Variants in CACNA2D4 observed in about 807,000 individuals in gnomAD.
CACNA2D4 encodes the protein voltage-dependent calcium channel subunit alpha-2/delta-4.
CACNA2D4 carries 157 observed loss-of-function variants against 163.8 expected under a neutral mutation model. The observed-to-expected ratio is 0.96, with a 90% CI of 0.84 to 1.09. CACNA2D4 has a LOEUF of 1.09. Ranked by LOEUF, CACNA2D4 falls within the 50% of genes least tolerant of loss-of-function variation. CACNA2D4 has a pLI of 0.00. For synonymous variants in CACNA2D4, 598 were observed against 586.9 expected, an observed-to-expected ratio of 1.02 and a Z score of -0.27; for missense variants, 1,410 against 1,479.9, an observed-to-expected ratio of 0.95 and a Z score of 0.78.
chr12:1,849,565 C>A (rs1174247889), intron 23 of CACNA2D4, among the ~76,000 whole-genome samples: 1 of 152,142 alleles, frequency 6.6e-6, no homozygotes, highest in African/African-American at 2.4e-5. Flanking sequence ...CTACAGGTTA[C>A]TTTTTAAAAT....
Position 1,834,324 on chromosome 12 carries a change from T to C in CACNA2D4, c.2551+6415A>G, listed in dbSNP as rs1220639322. 6.2e-7 allele frequency: 1 copy of C among 1,611,078 alleles called. No individual in the cohort carries two copies. Among genetic ancestry groups the C allele is most frequent in the Non-Finnish European group, 8.5e-7 (1 of 1,178,742 alleles). On this transcript the variant is annotated intron_variant, in intron 26 of 37. Coordinates refer to ENST00000382722, the MANE Select transcript of CACNA2D4 (RefSeq NM_172364.5). This position sits in a 1 kb window ranked among gnomAD's most constrained non-coding sequence, Gnocchi z 7.6. ...CCCAAGGAGCTGAGGGGGAAGGACA[T>C]GCGGATGGTCCCCATGGAGATGTTC...
chr12:1,807,486 A>G (rs1476783258), intron 29 of CACNA2D4, among the ~76,000 whole-genome samples: 2 of 151,856 alleles, frequency 1.3e-5, no homozygotes, highest in African/African-American at 2.4e-5. Flanking sequence ...TAACTGCTCT[A>G]GAGTTGTTAA....
intron 18 of CACNA2D4, among the ~76,000 whole-genome samples, chr12:1,862,154 G>A (rs760834823): frequency 6.6e-6 from 1 of 152,142 alleles, no homozygotes; most frequent in Non-Finnish European, 1.5e-5. Context: ...TATTTCAGTT[G>A]TTCCTCCTTT....
At chr12:1,848,935 T>C (rs1424205976) in intron 23 of CACNA2D4, among the ~76,000 whole-genome samples, 1 of 152,204 alleles carries the variant, frequency 6.6e-6, no homozygotes, top group Non-Finnish European at 1.5e-5. Context: ...CTTTTGCTGC[T>C]CTGATCATCC....
chr12:1,886,893 C>A (rs917982615), intron 7 of CACNA2D4, 116 bp downstream of exon 7: 7 of 694,318 alleles, frequency 1.0e-5, no homozygotes, highest in African/African-American at 1.8e-5. Context: ...GTTCTACACA[C>A]CCAAGGCCCT....
Position 1,883,815 on chromosome 12 carries a change from C to T in CACNA2D4, c.1351+428G>A, listed in dbSNP as rs997664042. 6.6e-5 allele frequency among the ~76,000 whole-genome samples: 10 copies of T among 152,132 alleles called. No homozygotes were observed. Among genetic ancestry groups the T allele is most frequent in the East Asian group, 3.8e-4 (2 of 5,204 alleles). On this transcript the variant is annotated intron_variant, in intron 12 of 37. Transcript: ENST00000382722. The surrounding 1 kb of genome is among the most constrained non-coding windows in gnomAD (Gnocchi z 4.5). The stretch of plus-strand genomic sequence containing the variant: ...TGCTGGACAATACTGAGAGGTAGAC[C>T]GACCCTGAGTCCATCCTGATCCCTC...
intron 26 of CACNA2D4, among the ~76,000 whole-genome samples, chr12:1,826,204 T>C (rs1471092527): frequency 6.6e-6 from 1 of 152,142 alleles, no homozygotes; most frequent in Non-Finnish European, 1.5e-5. Context: ...AAGTCCGAGC[T>C]AGGAGCAGGA....
At chr12:1,896,521 T>G (rs1329048083) in intron 6 of CACNA2D4, among the ~76,000 whole-genome samples, 1 of 151,260 alleles carries the variant, frequency 6.6e-6, no homozygotes. Flanking sequence ...TATGAAAAAA[T>G]GCTCAATATC....
In CACNA2D4 at chr12:1,795,393, A is replaced by T; in HGVS notation, c.3227-12T>A. Reference sequence around the variant, plus strand: ...GACAGAGGCATTATGTGCAGAAGCCACTGTTAAGGTCAATATCTCAGGACC... The same window carrying T: ...GACAGAGGCATTATGTGCAGAAGCCTCTGTTAAGGTCAATATCTCAGGACC... On this transcript the variant is annotated splice_polypyrimidine_tract_variant and intron_variant, in intron 36 of 37. Coordinates refer to ENST00000382722, the MANE Select transcript of CACNA2D4 (RefSeq NM_172364.5). 6.2e-7 allele frequency: 1 copy of T among 1,607,804 alleles called. No individual in the cohort carries two copies. The highest frequency in any genetic ancestry group is 8.5e-7 in the Non-Finnish European group (1 of 1,178,816).
intron 26 of CACNA2D4, among the ~76,000 whole-genome samples, chr12:1,817,162 G>T (rs141616363): frequency 6.6e-6 from 1 of 152,202 alleles, no homozygotes; most frequent in Non-Finnish European, 1.5e-5. Context: ...GGTGCACAGC[G>T]AATACTTAGG....
rs558417956 is a variant in CACNA2D4, at chr12:1,799,471, C to T, written c.2995+204G>A. 9.2e-5 allele frequency among the ~76,000 whole-genome samples: 14 copies of T among 152,328 alleles called. No homozygotes were observed. The highest frequency in any genetic ancestry group is 2.6e-4 in the Admixed American group (4 of 15,302). ...GGGAGGCTGGAGTTTCTCATTTTCC[C>T]TGGGGCCTGACCGTCCTCATGTGGG... On this transcript the variant is annotated intron_variant, in intron 34 of 37. Transcript: ENST00000382722. The surrounding 1 kb of genome is among the most constrained non-coding windows in gnomAD (Gnocchi z 4.7).
At chr12:1,854,241 A>G (rs1426205306) in intron 22 of CACNA2D4, among the ~76,000 whole-genome samples, 197 bp from the exon 23 acceptor site, 1 of 152,192 alleles carries the variant, frequency 6.6e-6, no homozygotes, top group Non-Finnish European at 1.5e-5. Context: ...ATATGTCAGT[A>G]CAACAGCTTG....
intron 6 of CACNA2D4, among the ~76,000 whole-genome samples, chr12:1,893,523 A>AT (rs1866335626): frequency 1.3e-5 from 2 of 152,232 alleles, no homozygotes; most frequent in East Asian, 3.9e-4. Flanking sequence ...ATCTCAAAAA[A>AT]ATATATAATA....
Position 1,878,875 on chromosome 12 carries a change from T to A in CACNA2D4, c.1644+81A>T. 1.5e-6 allele frequency: 2 copies of A among 1,354,082 alleles called. No homozygotes were observed. The highest frequency in any genetic ancestry group is 2.1e-6 in the Non-Finnish European group (2 of 970,404). 83.9% of individuals were successfully genotyped at this position (1,354,082 alleles called of 1,614,324 possible). Reference sequence around the variant, plus strand: ...ACCCCAGCTCTGGGCTTGGCTTGCCTGGAGAGAGGCTCCCATCACGGGGGA... The same window carrying A: ...ACCCCAGCTCTGGGCTTGGCTTGCCAGGAGAGAGGCTCCCATCACGGGGGA... On this transcript the variant is annotated intron_variant, in intron 15 of 37. Coordinates refer to ENST00000382722, the MANE Select transcript of CACNA2D4 (RefSeq NM_172364.5). The surrounding 1 kb of genome is among the most constrained non-coding windows in gnomAD (Gnocchi z 4.6).
rs1555186435 is a variant in CACNA2D4 at position 1,896,640 on chromosome 12, C to CACACAA, written c.782-9572_782-9571insTTGTGT. On this transcript the variant is annotated intron_variant, in intron 6 of 37. Transcript: ENST00000382722. ...ACACACACACACACACACACACACACACACACACACACACAAAACAGATGC... is the reference window on the plus strand; with the variant it reads ...ACACACACACACACACACACACACACACACAAACACACACACACACAAAACAGATGC... 4.4e-5 allele frequency among the ~76,000 whole-genome samples: 5 copies of CACACAA among 113,014 alleles called. 1 individual carries two copies. The highest frequency in any genetic ancestry group is 2.0e-4 in the African/African-American group (5 of 24,438). The allele number at this position is 113,014 out of a possible 152,430, so 74.1% of individuals were successfully genotyped here. A position where few individuals can be genotyped will look rare whatever the true frequency, so the allele number is the denominator to read the frequency against.
At chr12:1,821,565 G>A (rs1181099181) in intron 26 of CACNA2D4, among the ~76,000 whole-genome samples, 1 of 152,116 alleles carries the variant, frequency 6.6e-6, no homozygotes, top group African/African-American at 2.4e-5. Context: ...GCACCCAGCC[G>A]TCCATCTGCA....
At chr12:1,912,912 G>A in intron 3 of CACNA2D4, 111 bp downstream of exon 3, 1 of 671,556 alleles carries the variant, frequency 1.5e-6, no homozygotes, top group South Asian at 1.7e-5. Flanking sequence ...TGTAAGATAG[G>A]AGAGGGTCAC....
At position 1,833,903 on chromosome 12, in the gene CACNA2D4, C is replaced by G. The variant is rs978074158; in HGVS notation, c.2551+6836G>C. On this transcript the variant is annotated intron_variant, in intron 26 of 37. Coordinates refer to ENST00000382722, the MANE Select transcript of CACNA2D4 (RefSeq NM_172364.5). This position sits in a 1 kb window ranked among gnomAD's most constrained non-coding sequence, Gnocchi z 4.2. Reference sequence around the variant, plus strand: ...GACGCTCAGCTCTCTAATGACAGCCCTTTCCTGGGAACCTCCCCATGTTAG... The same window carrying G: ...GACGCTCAGCTCTCTAATGACAGCCGTTTCCTGGGAACCTCCCCATGTTAG... Among the ~76,000 whole-genome samples, 1 of 152,186 alleles carries G rather than the reference C, an allele frequency of 6.6e-6. No homozygotes were observed. The highest frequency in any genetic ancestry group is 2.4e-5 in the African/African-American group (1 of 41,444).
Position 1,875,241 on chromosome 12 carries a change from C to A in CACNA2D4, c.1806+10G>T, listed in dbSNP as rs1165734376. ...AACTAGCTTCCCTTCCCCCTATTTT[C>A]CCCACTCACAGATTCAGCCTGGTCT... On this transcript the variant is annotated intron_variant, in intron 17 of 37. Coordinates refer to ENST00000382722, the MANE Select transcript of CACNA2D4 (RefSeq NM_172364.5). The surrounding 1 kb of genome is among the most constrained non-coding windows in gnomAD (Gnocchi z 4.0). 1 of 1,596,934 alleles carries A rather than the reference C, an allele frequency of 6.3e-7. No homozygotes were observed. Among genetic ancestry groups the A allele is most frequent in the Non-Finnish European group, 8.6e-7 (1 of 1,164,510 alleles).
Sources: allele counts gnomAD v4.1 joint callset (sites outside exome capture counted in the v4.1 genomes callset), GRCh38; gene constraint gnomAD v4.1.1; non-coding constraint Gnocchi (gnomAD v3.1); transcripts MANE v1.5; gene names NCBI Gene and HGNC (gene_info 2026-07-23, HGNC 2026-07-21).